KDM5B: variants seen among roughly 807,000 people sequenced by gnomAD.
The protein encoded by KDM5B is lysine-specific demethylase 5B.
Under a neutral mutation model 193.4 loss-of-function variants are expected in KDM5B, and 144 were observed. The observed-to-expected ratio is 0.74, with a 90% CI of 0.65 to 0.86. The LOEUF is 0.86. KDM5B is among the 40% of genes least tolerant of loss of function. The pLI, the probability that KDM5B is intolerant of heterozygous loss-of-function variation, is 0.00. For missense variants in KDM5B, 1,833 were observed against 1,886.9 expected (o/e 0.97, Z 0.53); for synonymous variants, 668 against 682.6 (o/e 0.98, Z 0.33).
At chr1:202,798,134 G>A (rs542157541) in intron 1 of KDM5B, among the ~76,000 whole-genome samples, 1 of 152,302 alleles carries the variant, frequency 6.6e-6, no homozygotes, top group South Asian at 2.1e-4. Context: ...AGAAGGCGGA[G>A]TTTGCAGTGA....
intron 25 of KDM5B, 129 bp from the exon 26 acceptor site, chr1:202,730,156 A>ATCTTAACCAC: frequency 1.2e-6 from 1 of 804,566 alleles, no homozygotes; most frequent in South Asian, 1.9e-5. Flanking sequence ...AAAATACTGC[A>ATCTTAACCAC]TCTTAACCAC....
intron 3 of KDM5B, 144 bp downstream of exon 3, chr1:202,774,469 C>G (rs919551554): frequency 8.5e-6 from 6 of 706,362 alleles, no homozygotes; most frequent in Non-Finnish European, 1.4e-5. Context: ...CTCAAGCAAT[C>G]CTCCTCCCTT....
Position 202,733,672 on chromosome 1 carries a change from A to T in KDM5B, c.3638T>A (p.Leu1213Gln). 6.2e-7 allele frequency: 1 copy of T among 1,614,152 alleles called. No individual in the cohort carries two copies. Among genetic ancestry groups the T allele is most frequent in the Non-Finnish European group, 8.5e-7 (1 of 1,180,016 alleles). Residue 1213 changes from leucine (L) to glutamine (Q), a missense_variant, in exon 23 of 27, where the codon CTG becomes CAG. Transcript: ENST00000367265. The stretch of plus-strand genomic sequence containing the variant: ...ACAATGGGGACAAAGCCAGATTCGC[A>T]GGCCCTGTGAAATACTGGGTACCGC... ...CVAVPSISQG[L>Q]RIWLCPHCRR...
At chr1:202,771,107 T>C (rs1656693192) in intron 4 of KDM5B, among the ~76,000 whole-genome samples, 2 of 152,228 alleles carry the variant, frequency 1.3e-5, no homozygotes, top group Admixed American at 6.5e-5. Flanking sequence ...CTTCCGTACT[T>C]AGGAAGAGTT....
chr1:202,807,452 C>T (rs899213256), intron 1 of KDM5B, among the ~76,000 whole-genome samples: 4 of 151,300 alleles, frequency 2.6e-5, no homozygotes, highest in Admixed American at 2.6e-4. Flanking sequence ...CAGCGCTGGC[C>T]GCCCCCTTCT....
At chr1:202,742,878 G>T in intron 16 of KDM5B, 73 bp from the exon 17 acceptor site, 5 of 1,281,526 alleles carry the variant, frequency 3.9e-6, no homozygotes, top group Non-Finnish European at 5.5e-6. Context: ...ATTCAGAGGA[G>T]ACTGGTTTTG....
At position 202,728,017 on chromosome 1, in the gene KDM5B, T is replaced by C. The variant is rs940676633; in HGVS notation, c.*1019A>G. On this transcript the variant is annotated 3_prime_UTR_variant, in exon 27 of 27. Transcript: ENST00000367265. The stretch of plus-strand genomic sequence containing the variant: ...TTTGTTAGTGAGGGCTGTAGGCATA[T>C]GGCCCACCAAACAGAGCAGGACACA... 3 of 152,584 alleles carry C rather than the reference T, an allele frequency of 2.0e-5. No individual in the cohort carries two copies. The highest frequency in any genetic ancestry group is 6.5e-5 in the Admixed American group (1 of 15,284). 9.5% of individuals were successfully genotyped at this position (152,584 alleles called of 1,614,324 possible). A position where few individuals can be genotyped will look rare whatever the true frequency, so the allele number is the denominator to read the frequency against.
rs941350864 is a variant in KDM5B, at chr1:202,725,046, T to C, written c.*3990A>G. The C allele has an allele frequency of 6.6e-6, 1 of 152,232 alleles. No homozygotes were observed. The highest frequency in any genetic ancestry group is 1.5e-5 in the Non-Finnish European group (1 of 68,036). 9.4% of individuals were successfully genotyped at this position (152,232 alleles called of 1,614,324 possible). ...TGGAACAGGTCAAATGACCTCACCA[T>C]TCCATTCCTCTACTGCAATGCAGCC... On this transcript the variant is annotated 3_prime_UTR_variant, in exon 27 of 27. Transcript: ENST00000367265.
intron 10 of KDM5B, among the ~76,000 whole-genome samples, chr1:202,755,928 T>C (rs1655990464): frequency 6.6e-6 from 1 of 150,504 alleles, no homozygotes; most frequent in Non-Finnish European, 1.5e-5. Flanking sequence ...TCTGTATACA[T>C]ATAACTATGT....
At chr1:202,774,361 T>C (rs1656847834) in intron 3 of KDM5B, among the ~76,000 whole-genome samples, 1 of 152,102 alleles carries the variant, frequency 6.6e-6, no homozygotes, top group Admixed American at 6.6e-5. Flanking sequence ...CCTCCCTCCT[T>C]AGCCACCCAA....
At chr1:202,791,764 G>A (rs1206424831) in intron 1 of KDM5B, among the ~76,000 whole-genome samples, 2 of 152,072 alleles carry the variant, frequency 1.3e-5, no homozygotes, top group Admixed American at 1.3e-4. Flanking sequence ...TGTCACCCAG[G>A]CTGGAGTGCA....
chr1:202,771,427 T>A (rs188170674), intron 4 of KDM5B, among the ~76,000 whole-genome samples: 2 of 147,098 alleles, frequency 1.4e-5, no homozygotes, highest in East Asian at 4.0e-4. Context: ...TTTTAGTAAA[T>A]GCGGGGTTTT....
chr1:202,806,780 G>A (rs1318915399), intron 1 of KDM5B: 1 of 152,042 alleles, frequency 6.6e-6, no homozygotes, highest in Non-Finnish European at 1.5e-5. Flanking sequence ...GCTTAAGGGA[G>A]AAAGGGGTGG....
chr1:202,782,900 T>G (rs1217594393), intron 1 of KDM5B, among the ~76,000 whole-genome samples: 1 of 152,152 alleles, frequency 6.6e-6, no homozygotes, highest in East Asian at 1.9e-4. Context: ...GTAGTGGGGT[T>G]CACACTTTGC....
At chr1:202,767,767 G>A (rs1324354680) in intron 4 of KDM5B, among the ~76,000 whole-genome samples, 3 of 152,138 alleles carry the variant, frequency 2.0e-5, no homozygotes, top group South Asian at 2.1e-4. Context: ...GTTACAACAG[G>A]CCATAACAGT....
Position 202,764,526 on chromosome 1 carries a change from T to C in KDM5B, c.712-381A>G, listed in dbSNP as rs752738560. ...GGCACGCACCTGTAGTCCCAGCTAC[T>C]TGGGAGGCTGAGGCAGGAGAATCGC... is the stretch of plus-strand genomic sequence containing the variant. On this transcript the variant is annotated intron_variant, in intron 5 of 26. Transcript: ENST00000367265. 1.7e-4 allele frequency among the ~76,000 whole-genome samples: 26 copies of C among 152,020 alleles called. 1 individual carries two copies. The highest frequency in any genetic ancestry group is 2.6e-4 in the Non-Finnish European group (18 of 67,990).
intron 1 of KDM5B, among the ~76,000 whole-genome samples, chr1:202,785,826 T>C (rs569827825): frequency 1.3e-5 from 2 of 151,698 alleles, no homozygotes; most frequent in Admixed American, 1.3e-4. Context: ...CGAGAATTGC[T>C]TGAACCCAGG....
At chr1:202,757,457 C>A (rs1656068072) in intron 9 of KDM5B, among the ~76,000 whole-genome samples, 3 of 152,188 alleles carry the variant, frequency 2.0e-5, no homozygotes, top group African/African-American at 7.2e-5. Context: ...ATTTAAATGT[C>A]TATCCCTCAA....
intron 26 of KDM5B, 154 bp downstream of exon 26, chr1:202,729,553 G>A (rs1654796700): frequency 1.5e-6 from 1 of 649,022 alleles, no homozygotes; most frequent in Non-Finnish European, 2.6e-6. Context: ...ACGATGGTAA[G>A]AGCACAGATA....
Sources: allele counts gnomAD v4.1 joint callset (sites outside exome capture counted in the v4.1 genomes callset), GRCh38; gene constraint gnomAD v4.1.1; transcripts MANE v1.5; gene names NCBI Gene and HGNC (gene_info 2026-07-23, HGNC 2026-07-21).